MAP3K12: variants seen among roughly 807,000 people sequenced by gnomAD.
The protein encoded by MAP3K12 is MAPK-upstream kinase.
Under a neutral mutation model 87.5 loss-of-function variants are expected in MAP3K12, and 14 were observed. The ratio of observed to expected loss-of-function variants is 0.16; its 90% CI spans 0.11 to 0.25. MAP3K12 has a LOEUF of 0.25. Ranked by LOEUF, MAP3K12 falls within the 10% of genes least tolerant of loss-of-function variation. The pLI is 1.00. For missense variants in MAP3K12, 802 were observed against 1,140.4 expected, an observed-to-expected ratio of 0.70 and a Z score of 4.27; for synonymous variants, 469 against 452.5, an observed-to-expected ratio of 1.04 and a Z score of -0.46.
chr12:53,495,190 T>A (rs1943515456), intron 1 of MAP3K12, among the ~76,000 whole-genome samples: 2 of 151,070 alleles, frequency 1.3e-5, no homozygotes, highest in East Asian at 3.9e-4. Context: ...ATACAAAAAA[T>A]TAGCTGGGCG....
Position 53,486,872 on chromosome 12 carries a change from G to T in MAP3K12, c.445+75C>A. On this transcript the variant is annotated intron_variant, in intron 2 of 13. Coordinates refer to ENST00000547488, the MANE Select transcript of MAP3K12 (RefSeq NM_001193511.2). The surrounding 1 kb of genome is among the most constrained non-coding windows in gnomAD (Gnocchi z 4.9). ...ATGGGGAGGGAAGGGACCATTGCGT[G>T]ACTTTAGCGGAGCTGACCAACAGAT... 6.3e-7 allele frequency: 1 copy of T among 1,579,200 alleles called. No individual in the cohort carries two copies. Among genetic ancestry groups the T allele is most frequent in the South Asian group, 1.2e-5 (1 of 84,706 alleles).
Position 53,483,926 on chromosome 12 carries a change from CTCCTCATCACCAGT to C in MAP3K12, c.1329_1342del (p.Leu444GlufsTer15). The stretch of plus-strand genomic sequence containing the variant: ...GGGAACTCACCTGAGCTCCTCCCTC[CTCCTCATCACCAGT>C]TCCTCTTCTAGGCGGTGCAGACAGG... On this transcript the variant is annotated frameshift_variant, in exon 8 of 14. Transcript: ENST00000547488. LOFTEE classifies it high-confidence loss of function. 6.2e-7 allele frequency: 1 copy of C among 1,614,204 alleles called. No individual in the cohort carries two copies.
At position 53,482,080 on chromosome 12, in the gene MAP3K12, T is replaced by TCAG; in HGVS notation, c.2438_2440dup (p.Thr813_Asp814insAla). ...ATCAGACCGCTCATCTGGCCGCTCATCAGTGTTGGTGCTGCCAACTTCAGG... is the reference window on the plus strand; with the variant it reads ...ATCAGACCGCTCATCTGGCCGCTCATCAGCAGTGTTGGTGCTGCCAACTTCAGG... On this transcript the variant is annotated inframe_insertion, in exon 13 of 14. Transcript: ENST00000547488. The TCAG allele has an allele frequency of 2.5e-6, 4 of 1,614,178 alleles. No individual in the cohort carries two copies. The highest frequency in any genetic ancestry group is 3.4e-6 in the Non-Finnish European group (4 of 1,180,038).
intron 1 of MAP3K12, among the ~76,000 whole-genome samples, chr12:53,488,590 G>C (rs1263657195): frequency 6.6e-6 from 1 of 152,118 alleles, no homozygotes; most frequent in Non-Finnish European, 1.5e-5. Context: ...AAACCCGGGA[G>C]GCTGAGGTTT....
chr12:53,488,478 A>G (rs994383129), intron 1 of MAP3K12, among the ~76,000 whole-genome samples: 1 of 152,148 alleles, frequency 6.6e-6, no homozygotes, highest in Non-Finnish European at 1.5e-5. Context: ...TCTGGTCAAC[A>G]TGGAGAAACC....
chr12:53,496,567 G>A (rs1048810824), intron 1 of MAP3K12, among the ~76,000 whole-genome samples: 3 of 152,148 alleles, frequency 2.0e-5, no homozygotes, highest in Non-Finnish European at 4.4e-5. Flanking sequence ...GAAGTTCAGC[G>A]GATGTTAACA....
At chr12:53,491,592 C>T (rs941778858) in intron 1 of MAP3K12, among the ~76,000 whole-genome samples, 1 of 151,408 alleles carries the variant, frequency 6.6e-6, no homozygotes, top group African/African-American at 2.4e-5. Flanking sequence ...CGCCACGACG[C>T]CCGGCTAATT....
chr12:53,484,468 A>G (rs1943169244), intron 6 of MAP3K12, 103 bp from the exon 7 acceptor site: 2 of 767,428 alleles, frequency 2.6e-6, no homozygotes, highest in Middle Eastern at 5.8e-4. Flanking sequence ...ATCCAATCCT[A>G]GAATGTACTC....
At position 53,482,998 on chromosome 12, in the gene MAP3K12, T is replaced by C; in HGVS notation, c.1805A>G (p.His602Arg). 1.3e-6 allele frequency: 2 copies of C among 1,574,516 alleles called. No homozygotes were observed. The highest frequency in any genetic ancestry group is 8.6e-7 in the Non-Finnish European group (1 of 1,160,784). Residue 602 changes from histidine to arginine, a missense_variant, in exon 11 of 14, where the codon CAT (histidine) becomes CGT (arginine). His to Arg is a conservative substitution (Grantham distance 29, BLOSUM62 0). Coordinates refer to ENST00000547488, the MANE Select transcript of MAP3K12 (RefSeq NM_001193511.2). ...TGGGCTTCCTGGTCCTCCAGGTTCA[T>C]GGGGTGGCACAGCTGTACGAAGCCC... ...LPGLRTAVPP[H>R]EPGGPGSPGG...
chr12:53,490,253 G>A (rs1274194359), intron 1 of MAP3K12, among the ~76,000 whole-genome samples: 10 of 151,900 alleles, frequency 6.6e-5, no homozygotes, highest in Non-Finnish European at 8.8e-5. Context: ...GCAGTGAGCC[G>A]AGATCACGCC....
chr12:53,495,383 C>T (rs987130373), intron 1 of MAP3K12, among the ~76,000 whole-genome samples: 13 of 134,946 alleles, frequency 9.6e-5, no homozygotes, highest in Non-Finnish European at 2.0e-4. Context: ...GGCGCAGTTG[C>T]TCACGCCTGT....
In MAP3K12 at chr12:53,482,188, C is replaced by CGCA. The variant is rs764332901; in HGVS notation, c.2330_2332dup (p.Met777_Arg778insLeu). On this transcript the variant is annotated inframe_insertion, in exon 13 of 14. Coordinates refer to ENST00000547488, the MANE Select transcript of MAP3K12 (RefSeq NM_001193511.2). ...TGAGCTGAAGGTAGATAGTGACTGG[C>CGCA]GCATGTTCAGGCTCTGAGGCCACCT... The CGCA allele has an allele frequency of 6.2e-7, 1 of 1,614,158 alleles. No homozygotes were observed. The highest frequency in any genetic ancestry group is 1.1e-5 in the South Asian group (1 of 91,086).
At chr12:53,494,887 T>C (rs116733302) in intron 1 of MAP3K12, among the ~76,000 whole-genome samples, 1,892 of 152,224 alleles carry the variant, frequency 0.012, 30 homozygotes, top group African/African-American at 0.043. Flanking sequence ...GCAGCTCGTA[T>C]TGTTTTTGAA....
chr12:53,481,106 C>T lies in MAP3K12; in HGVS notation c.*76G>A, dbSNP rs538514732. On this transcript the variant is annotated 3_prime_UTR_variant, in exon 14 of 14. Coordinates refer to ENST00000547488, the MANE Select transcript of MAP3K12 (RefSeq NM_001193511.2). ...CCCCATCTTTCTGTTGATTATGTGGCGCATATATATATATATATGTATATA... is the reference window on the plus strand; with the variant it reads ...CCCCATCTTTCTGTTGATTATGTGGTGCATATATATATATATATGTATATA... The T allele has an allele frequency of 9.2e-4, 568 of 618,876 alleles. 15 individuals carry two copies. In the South Asian group the frequency reaches 0.036, roughly 40 times the overall value. The allele number at this position is 618,876 out of a possible 1,614,324, so 38.3% of individuals were successfully genotyped here. A position where few individuals can be genotyped will look rare whatever the true frequency, so the allele number is the denominator to read the frequency against.
Position 53,479,671 on chromosome 12 carries a change from G to GTTTTTTTTTTTGTTTGTT in MAP3K12, c.*1510_*1511insAACAAACAAAAAAAAAAA. The GTTTTTTTTTTTGTTTGTT allele has an allele frequency of 1.5e-5, 3 of 202,218 alleles. No individual in the cohort carries two copies. The highest frequency in any genetic ancestry group is 2.8e-5 in the Non-Finnish European group (3 of 106,084). 12.5% of individuals were successfully genotyped at this position (202,218 alleles called of 1,614,324 possible). On this transcript the variant is annotated 3_prime_UTR_variant, in exon 14 of 14. Transcript: ENST00000547488. ...ATTTAGTTTTATAAGCTTCTCCCTG[G>GTTTTTTTTTTTGTTTGTT]TTTTTTTTTTTTGGCTCATGAATTT...
Position 53,485,357 on chromosome 12 carries a change from C to T in MAP3K12, c.940G>A (p.Val314Met). 6.2e-7 allele frequency: 1 copy of T among 1,614,184 alleles called. No individual in the cohort carries two copies. The highest frequency in any genetic ancestry group is 8.5e-7 in the Non-Finnish European group (1 of 1,180,032). The change falls in exon 5 of 14, where the codon GTG becomes ATG. Residue 314 changes from valine (V) to methionine (M), a missense_variant. Physicochemically the swap from Val to Met is conservative, Grantham distance 21. Transcript: ENST00000547488. ...AGTVAWMAPE[V>M]IRNEPVSEKV... is the part of the protein sequence containing the mutation. ...TCAGACACAGGTTCATTGCGGATCACCTCAGGGGCCATCCAGGCTACTGTC... is the reference window on the plus strand; with the variant it reads ...TCAGACACAGGTTCATTGCGGATCATCTCAGGGGCCATCCAGGCTACTGTC...
rs772747311 is a variant in MAP3K12, at chr12:53,486,978, G to A, written c.414C>T (p.Ala138=). The A allele has an allele frequency of 1.9e-6, 3 of 1,614,128 alleles. No homozygotes were observed. Among genetic ancestry groups the A allele is most frequent in the Non-Finnish European group, 2.5e-6 (3 of 1,179,994 alleles). The stretch of plus-strand genomic sequence containing the variant: ...GCTGCTGCTTGTGCTCAGTGGAGTA[G>A]GCTTTGCCAATCATGGTCCAGACAG... ...LRPVWTMIGK[A]YSTEHKQQQE... Residue 138 remains alanine, a synonymous_variant, in exon 2 of 14, where the codon GCC becomes GCT. Coordinates refer to ENST00000547488, the MANE Select transcript of MAP3K12 (RefSeq NM_001193511.2). The surrounding 1 kb of genome is among the most constrained non-coding windows in gnomAD (Gnocchi z 4.9).
rs1363621297 is a variant in MAP3K12 at position 53,483,409 on chromosome 12, G to C, written c.1553C>G (p.Thr518Arg). 1 of 1,613,948 alleles carries C rather than the reference G, an allele frequency of 6.2e-7. No individual in the cohort carries two copies. The highest frequency in any genetic ancestry group is 8.5e-7 in the Non-Finnish European group (1 of 1,180,016). The change falls in exon 10 of 14, where the codon ACA (threonine) becomes AGA (arginine). Residue 518 changes from threonine (T) to arginine (R), a missense_variant. Thr to Arg is a moderately conservative substitution (Grantham distance 71). Transcript: ENST00000547488. ...CCTCTTCTTGATAAGCTTCTCCATT[G>C]TGTTTCCATGCAGGAGGCCCCGGGA... ...HPSRGLLHGNTMEKLIKKRNV... is the reference protein window; with the variant it reads ...HPSRGLLHGNRMEKLIKKRNV...
At chr12:53,495,111 G>A (rs1238635089) in intron 1 of MAP3K12, among the ~76,000 whole-genome samples, 2 of 151,960 alleles carry the variant, frequency 1.3e-5, no homozygotes, top group African/African-American at 4.8e-5. Context: ...AGGCCCAGGC[G>A]GGCGGATCAT....
Sources: allele counts gnomAD v4.1 joint callset (sites outside exome capture counted in the v4.1 genomes callset), GRCh38; gene constraint gnomAD v4.1.1; non-coding constraint Gnocchi (gnomAD v3.1); transcripts MANE v1.5; gene names NCBI Gene and HGNC (gene_info 2026-07-23, HGNC 2026-07-21).